PMS2: variants seen among roughly 807,000 people sequenced by gnomAD.
PMS2 encodes mismatch repair endonuclease PMS2.
In PMS2, 69 loss-of-function variants were observed where a neutral mutation model predicts 90.0. The observed-to-expected ratio is 0.77, with a 90% CI of 0.63 to 0.94. The LOEUF is 0.94. Among genes scored for constraint, PMS2 ranks in the 40% least tolerant of loss-of-function variants. The pLI is 0.00. For synonymous variants in PMS2, 332 were observed against 375.1 expected (o/e 0.89, Z 1.33); for missense variants, 966 against 1,040.2 (o/e 0.93, Z 0.98).
intron 5 of PMS2, 38 bp downstream of exon 5, chr7:6,002,415 A>T (rs1248421715): frequency 7.5e-7 from 1 of 1,341,896 alleles, no homozygotes; most frequent in Non-Finnish European, 1.1e-6. Context: ...CATGTGCATT[A>T]ACCAATACTC....
intron 5 of PMS2, chr7:6,001,899 A>G (rs965068087): frequency 8.5e-5 from 13 of 152,164 alleles, no homozygotes; most frequent in Non-Finnish European, 1.8e-4. Flanking sequence ...AGGCTGAGGC[A>G]GGAGAATCGC....
chr7:5,979,221 A>AAAC (rs1162080121), intron 12 of PMS2, among the ~76,000 whole-genome samples: 1 of 118,030 alleles, frequency 8.5e-6, no homozygotes, highest in Non-Finnish European at 1.6e-5. Flanking sequence ...AAAAAAAAAA[A>AAAC]AACACCCATA....
At chr7:5,999,043 G>T in intron 6 of PMS2, 65 bp downstream of exon 6, 1 of 1,459,710 alleles carries the variant, frequency 6.9e-7, no homozygotes, top group Non-Finnish European at 9.6e-7. Context: ...TACTGGAAGG[G>T]ACAATGGAAA....
intron 9 of PMS2, among the ~76,000 whole-genome samples, chr7:5,991,185 T>G (rs1346456725): frequency 6.6e-6 from 1 of 152,032 alleles, no homozygotes; most frequent in Non-Finnish European, 1.5e-5. Context: ...TTCTGATCAA[T>G]TTCTAATAAC....
At chr7:6,000,064 C>G (rs1458962616) in intron 5 of PMS2, among the ~76,000 whole-genome samples, 1 of 151,958 alleles carries the variant, frequency 6.6e-6, no homozygotes. Flanking sequence ...AAGACAATCA[C>G]AATATGCTAA....
chr7:5,993,462 T>C (rs1367676588), intron 8 of PMS2, among the ~76,000 whole-genome samples: 2 of 148,418 alleles, frequency 1.3e-5, no homozygotes, highest in South Asian at 4.3e-4. Context: ...AAAAAACCCA[T>C]GTCATCATAT....
rs1781464987 is a variant in PMS2 at position 5,973,276 on chromosome 7, G to C, written c.*123C>G. On this transcript the variant is annotated 3_prime_UTR_variant, in exon 15 of 15. Transcript: ENST00000265849. ...AGGTTCTCAAGATCACTTTTAAATG[G>C]GTGTGATGTGTATTTTTTTTAAGTA... 1 of 1,060,092 alleles carries C rather than the reference G, an allele frequency of 9.4e-7. No homozygotes were observed. Among genetic ancestry groups the C allele is most frequent in the Non-Finnish European group, 1.4e-6 (1 of 710,612 alleles). 65.7% of individuals were successfully genotyped at this position (1,060,092 alleles called of 1,614,324 possible).
rs63750685 is a variant in PMS2 at position 5,987,328 on chromosome 7, G to C, written c.1437C>G (p.His479Gln). The C allele has an allele frequency of 3.4e-3, 5,554 of 1,613,972 alleles. 25 individuals are homozygous for C. Among genetic ancestry groups the C allele is most frequent in the African/African-American group, 9.5e-3 (711 of 75,038 alleles). Residue 479 changes from histidine to glutamine, a missense_variant, in exon 11 of 15, where the codon CAC becomes CAG. Physicochemically the swap from His to Gln is conservative, Grantham distance 24. This residue lies in a region of PMS2 where 871 missense variants were observed against 802.4 expected (regional missense o/e 1.09). Transcript: ENST00000265849. ...RPQKEAVSSS[H>Q]GPSDPTDRAE... ...CTCTGTCCGTAGGGTCACTGGGTCC[G>C]TGACTGGAACTCACTGCCTCTTTCT...
At chr7:5,992,556 T>G (rs1429218434) in intron 8 of PMS2, among the ~76,000 whole-genome samples, 1 of 151,932 alleles carries the variant, frequency 6.6e-6, no homozygotes, top group Non-Finnish European at 1.5e-5. Flanking sequence ...CTGACCTCAG[T>G]TGATCCGCCC....
Position 5,977,661 on chromosome 7 carries a change from C to T in PMS2, c.2372G>A (p.Ser791Asn), listed in dbSNP as rs2128673461. 6.2e-7 allele frequency: 1 copy of T among 1,605,514 alleles called. No individual in the cohort carries two copies. The highest frequency in any genetic ancestry group is 8.5e-7 in the Non-Finnish European group (1 of 1,174,422). The part of the protein sequence containing the change: ...QDVDELIFML[S>N]DSPGVMCRPS... ...CCGGCACATGACCCCAGGGCTGTCG[C>T]TCAGCATGAAGATCAGTTCATCGAC... The change falls in exon 14 of 15, where the codon AGC becomes AAC. Residue 791 changes from serine to asparagine, a missense_variant. Physicochemically the swap from Ser to Asn is conservative, Grantham distance 46. Transcript: ENST00000265849.
chr7:5,977,475 C>T (rs1201538069), intron 14 of PMS2, 113 bp downstream of exon 14: 3 of 749,680 alleles, frequency 4.0e-6, no homozygotes, highest in East Asian at 5.6e-5. Flanking sequence ...GTAAAATGAC[C>T]CCTGGCAATC....
At chr7:5,990,791 A>G (rs945803272) in intron 9 of PMS2, among the ~76,000 whole-genome samples, 2 of 152,186 alleles carry the variant, frequency 1.3e-5, no homozygotes, top group African/African-American at 4.8e-5. Context: ...AGACGAACAG[A>G]TAAGTTAAGG....
intron 1 of PMS2, among the ~76,000 whole-genome samples, chr7:6,007,987 G>C (rs1410042047): frequency 1.1e-4 from 16 of 151,650 alleles, no homozygotes; most frequent in Admixed American, 1.1e-3. Context: ...AGCCTCCAAA[G>C]TAGCTAGGAT....
At chr7:5,980,943 TAAACTACACAGGAGAGTACTCAGC>T (rs1782217470) in intron 12 of PMS2, among the ~76,000 whole-genome samples, 1 of 149,922 alleles carries the variant, frequency 6.7e-6, no homozygotes, top group Non-Finnish European at 1.5e-5. Flanking sequence ...GAGTACTCAG[TAAACTACACAGGAGAGTACTCAGC>T]AAACTACACA....
intron 2 of PMS2, 45 bp from the exon 3 acceptor site, chr7:6,004,103 T>A (rs1389742483): frequency 1.9e-6 from 2 of 1,056,528 alleles, no homozygotes; most frequent in Non-Finnish European, 1.5e-6. Context: ...AACGGACCCA[T>A]GCTATCAGTT....
chr7:5,997,815 G>C (rs1267009013), intron 6 of PMS2, among the ~76,000 whole-genome samples: 1 of 152,066 alleles, frequency 6.6e-6, no homozygotes, highest in East Asian at 1.9e-4. Context: ...ATTGTTGGCC[G>C]GGTGGTTCAA....
intron 6 of PMS2, among the ~76,000 whole-genome samples, chr7:5,998,085 T>C (rs58829900): frequency 2.0e-5 from 3 of 151,176 alleles, no homozygotes; most frequent in East Asian, 2.0e-4. Context: ...TTGTTTTTTT[T>C]TTTTTTTTTT....
intron 8 of PMS2, among the ~76,000 whole-genome samples, chr7:5,993,076 A>G (rs1783940813): frequency 6.6e-6 from 1 of 152,214 alleles, no homozygotes; most frequent in African/African-American, 2.4e-5. Flanking sequence ...CTAAAGCATC[A>G]TTGAAAAACA....
chr7:5,978,210 A>C (rs1342265667), intron 13 of PMS2, among the ~76,000 whole-genome samples: 1 of 150,784 alleles, frequency 6.6e-6, no homozygotes, highest in East Asian at 1.9e-4. Flanking sequence ...ATTAAAAAAA[A>C]CTGGTCTATA....
Sources: gnomAD v4.1 joint callset for allele counts (sites outside exome capture counted in the v4.1 genomes callset) on GRCh38, gnomAD v4.1.1 for gene constraint, gnomAD v4.1.1 regional missense constraint, MANE v1.5 for transcripts, NCBI Gene and HGNC (gene_info 2026-07-23, HGNC 2026-07-21) for gene names.